The following PIEZO2 variants were observed in gnomAD, a reference collection of about 807,000 sequenced individuals.
PIEZO2 encodes the protein piezo type mechanosensitive ion channel component 2.
In PIEZO2, 172 loss-of-function variants were observed where a neutral mutation model predicts 337.3. The ratio of observed to expected loss-of-function variants is 0.51; its 90% CI spans 0.45 to 0.58. The LOEUF (loss-of-function observed/expected upper bound fraction) is 0.58. Among genes scored for constraint, PIEZO2 ranks in the 20% least tolerant of loss-of-function variants. PIEZO2 has a pLI of 0.00. For missense variants in PIEZO2, 3,028 were observed against 3,391.3 expected, an observed-to-expected ratio of 0.89 and a Z score of 2.66; for synonymous variants, 1,251 against 1,228.5, an observed-to-expected ratio of 1.02 and a Z score of -0.38.
chr18:11,074,729 T>A (rs2038470401), intron 1 of PIEZO2, among the ~76,000 whole-genome samples: 1 of 152,232 alleles, frequency 6.6e-6, no homozygotes, highest in Non-Finnish European at 1.5e-5. Flanking sequence ...GAAAATCTCT[T>A]GCAAATATGA....
chr18:10,886,380 GTATATATATATATATATATATATATA>G (rs1173330460), intron 4 of PIEZO2, among the ~76,000 whole-genome samples: 1 of 3,040 alleles, frequency 3.3e-4, no homozygotes, highest in Admixed American at 9.4e-3. Flanking sequence ...GTGTGTGTGT[GTATATATATATATATATATATATATA>G]TATATATATA....
intron 8 of PIEZO2, among the ~76,000 whole-genome samples, chr18:10,805,801 C>G (rs749656479): frequency 9.2e-5 from 14 of 152,208 alleles, no homozygotes; most frequent in Non-Finnish European, 1.9e-4. Context: ...CCTAATCCCA[C>G]AGATGGCTGT....
chr18:10,696,087 C>T lies in PIEZO2; in HGVS notation c.7177G>A (p.Gly2393Ser), dbSNP rs768629308. 25 of 1,613,630 alleles carry T rather than the reference C, an allele frequency of 1.5e-5. No homozygotes were observed. The African/African-American group carries it at 3.2e-4, about 21-fold the overall frequency. ...TGAAGACCTTACCTCTCAGTCACACCAGGTAAGATGAAGAACATCCAGAAG... is the reference window on the plus strand; with the variant it reads ...TGAAGACCTTACCTCTCAGTCACACTAGGTAAGATGAAGAACATCCAGAAG... Reference protein sequence around the residue: ...IHFWMFFILPGVTERKFSQNL... With the variant: ...IHFWMFFILPSVTERKFSQNL... Residue 2393 changes from glycine to serine, a missense_variant, in exon 47 of 56, where the codon GGT becomes AGT. Physicochemically the swap from Gly to Ser is moderately conservative, Grantham distance 56 (BLOSUM62 0). Around this residue, in one of 5 missense-constraint regions of PIEZO2, gnomAD observed 179 missense variants for 281.8 expected, o/e 0.64. Coordinates refer to ENST00000674853, the MANE Select transcript of PIEZO2 (RefSeq NM_001378183.1).
chr18:10,720,749 T>C (rs1190894450), intron 36 of PIEZO2, among the ~76,000 whole-genome samples: 1 of 151,982 alleles, frequency 6.6e-6, no homozygotes, highest in Non-Finnish European at 1.5e-5. Context: ...CTGGCTCAGT[T>C]TCCTGCATTT....
intron 11 of PIEZO2, among the ~76,000 whole-genome samples, chr18:10,799,117 C>T (rs1004794021): frequency 4.6e-5 from 7 of 152,304 alleles, no homozygotes; most frequent in Admixed American, 4.6e-4. Flanking sequence ...TTATGAAGAA[C>T]AGACATGAGA....
intron 7 of PIEZO2, among the ~76,000 whole-genome samples, chr18:10,811,915 G>C (rs2040204272): frequency 1.3e-5 from 2 of 152,150 alleles, no homozygotes; most frequent in African/African-American, 4.8e-5. Context: ...CTCACTGCGA[G>C]CTCCGCCTCC....
intron 1 of PIEZO2, among the ~76,000 whole-genome samples, chr18:11,135,029 TTAAG>T (rs1380037618): frequency 7.6e-6 from 1 of 131,020 alleles, no homozygotes; most frequent in Non-Finnish European, 1.6e-5. Flanking sequence ...AAAGAAGAAA[TTAAG>T]TAAGCAAAAA....
rs531708549 is a variant in PIEZO2, at chr18:10,850,353, G to A, written c.917+5000C>T. ...ATACCATATGCATGGGGAGGGCATCGCAAACCGGTAAGCTAGTTAACATTA... is the reference window on the plus strand; with the variant it reads ...ATACCATATGCATGGGGAGGGCATCACAAACCGGTAAGCTAGTTAACATTA... On this transcript the variant is annotated intron_variant, in intron 7 of 55. Transcript: ENST00000674853. The surrounding 1 kb of genome is among the most constrained non-coding windows in gnomAD (Gnocchi z 4.5). 1.3e-3 allele frequency among the ~76,000 whole-genome samples: 195 copies of A among 152,240 alleles called. 2 individuals are homozygous for A. Among genetic ancestry groups the A allele is most frequent in the African/African-American group, 4.5e-3 (186 of 41,546 alleles).
intron 36 of PIEZO2, chr18:10,725,575 T>A: frequency 7.3e-7 from 1 of 1,365,476 alleles, no homozygotes; most frequent in Non-Finnish European, 9.9e-7. Context: ...CTGTCCCTCC[T>A]GAGGTCGGGG....
At chr18:10,915,765 G>A (rs1313239668) in intron 3 of PIEZO2, among the ~76,000 whole-genome samples, 1 of 152,066 alleles carries the variant, frequency 6.6e-6, no homozygotes, top group African/African-American at 2.4e-5. Flanking sequence ...GTCTCATCTT[G>A]GGAACTGTGT....
At chr18:10,972,020 C>T (rs528075941) in intron 3 of PIEZO2, among the ~76,000 whole-genome samples, 182 of 152,062 alleles carry the variant, frequency 1.2e-3, no homozygotes, top group African/African-American at 4.1e-3. Flanking sequence ...CAGCTGGGTG[C>T]GGTGGCTCAC....
chr18:10,696,356 G>C (rs768966326), intron 46 of PIEZO2, 36 bp downstream of exon 46: 13 of 1,613,962 alleles, frequency 8.1e-6, no homozygotes, highest in Admixed American at 1.7e-5. Context: ...ATCGCCATGG[G>C]TCAGGGCGGG....
At chr18:11,024,362 A>C (rs558470485) in intron 2 of PIEZO2, among the ~76,000 whole-genome samples, 1 of 151,932 alleles carries the variant, frequency 6.6e-6, no homozygotes, top group Non-Finnish European at 1.5e-5. Flanking sequence ...TGGGTAAGAT[A>C]GTGAAACCCC....
At chr18:11,095,107 C>T (rs571227528) in intron 1 of PIEZO2, among the ~76,000 whole-genome samples, 10 of 152,306 alleles carry the variant, frequency 6.6e-5, no homozygotes, top group African/African-American at 2.4e-4. Context: ...TTTTGAATGG[C>T]GGAGAGATTC....
intron 2 of PIEZO2, among the ~76,000 whole-genome samples, chr18:11,024,514 C>G (rs1432825297): frequency 7.0e-5 from 10 of 142,892 alleles, no homozygotes; most frequent in Non-Finnish European, 1.2e-4. Context: ...CCACTGCACT[C>G]CAGCCTGGGC....
In PIEZO2 at chr18:11,116,776, TG is replaced by T. The variant is rs1243561145; in HGVS notation, c.64+31748del. Reference sequence around the variant, plus strand: ...TCTACTGAATGTTACTCCATCTAACTGTATAGCACAGTAGGGTGACTATAGT... The same window carrying T: ...TCTACTGAATGTTACTCCATCTAACTTATAGCACAGTAGGGTGACTATAGT... On this transcript the variant is annotated intron_variant, in intron 1 of 55. Coordinates refer to ENST00000674853, the MANE Select transcript of PIEZO2 (RefSeq NM_001378183.1). The surrounding 1 kb of genome is among the most constrained non-coding windows in gnomAD (Gnocchi z 5.0). Among the ~76,000 whole-genome samples the T allele has an allele frequency of 6.6e-6, 1 of 151,582 alleles. No homozygotes were observed. Among genetic ancestry groups the T allele is most frequent in the African/African-American group, 2.4e-5 (1 of 41,224 alleles).
At chr18:10,811,157 G>A (rs2040174676) in intron 7 of PIEZO2, among the ~76,000 whole-genome samples, 1 of 151,924 alleles carries the variant, frequency 6.6e-6, no homozygotes, top group Admixed American at 6.6e-5. Context: ...TCTCTTTGTT[G>A]TCGCTGGTTG....
At chr18:10,755,520 G>A (rs1242200795) in intron 27 of PIEZO2, among the ~76,000 whole-genome samples, 1 of 152,150 alleles carries the variant, frequency 6.6e-6, no homozygotes, top group South Asian at 2.1e-4. Context: ...AGGCACAGTG[G>A]GCCTGCCCTC....
chr18:11,015,195 G>A (rs1416151336), intron 2 of PIEZO2, among the ~76,000 whole-genome samples: 1 of 149,146 alleles, frequency 6.7e-6, no homozygotes, highest in Non-Finnish European at 1.5e-5. Context: ...GTCACCCTGG[G>A]CAGGACAGCA....
Sources: gnomAD v4.1 joint callset for allele counts (sites outside exome capture counted in the v4.1 genomes callset) on GRCh38, gnomAD v4.1.1 for gene constraint, gnomAD v4.1.1 regional missense constraint, Gnocchi (gnomAD v3.1) non-coding constraint, MANE v1.5 for transcripts, NCBI Gene and HGNC (gene_info 2026-07-23, HGNC 2026-07-21) for gene names.